OR5D3: variants seen among roughly 807,000 people sequenced by gnomAD.
The protein encoded by OR5D3 is olfactory receptor 5D3.
chr11:55,724,795 A>AGTCATAATCT, the OR5D3 span, among the ~76,000 whole-genome samples: 24 of 152,202 alleles, frequency 1.6e-4, no homozygotes, highest in Admixed American at 4.6e-4. Flanking sequence ...TGGGAAATAC[A>AGTCATAATCT]GTCATAATCT....
At chr11:55,725,467 C>T in the OR5D3 span, among the ~76,000 whole-genome samples, 1 of 152,004 alleles carries the variant, frequency 6.6e-6, no homozygotes, top group Non-Finnish European at 1.5e-5. Flanking sequence ...TTGTCACCTA[C>T]CTGTCTTCTG....
At chr11:55,729,173 G>GGGCAGTTTACA in the OR5D3 span, 1 of 151,694 alleles carries the variant, frequency 6.6e-6, no homozygotes, top group Admixed American at 6.6e-5. Flanking sequence ...CAAATATAAT[G>GGGCAGTTTACA]CAATTTCCCC....
chr11:55,729,449 A>G, the OR5D3 span: 13 of 152,036 alleles, frequency 8.6e-5, no homozygotes, highest in Admixed American at 4.6e-4. Flanking sequence ...ATATAGTTTA[A>G]TGCTCACTTC....
At chr11:55,725,772 A>G in the OR5D3 span, among the ~76,000 whole-genome samples, 1 of 152,088 alleles carries the variant, frequency 6.6e-6, no homozygotes, top group Non-Finnish European at 1.5e-5. Flanking sequence ...TTTTACAGGA[A>G]TGTTAACATT....
the OR5D3 span, chr11:55,727,130 T>C: frequency 2.5e-6 from 1 of 399,292 alleles, no homozygotes; most frequent in Non-Finnish European, 4.4e-6. Context: ...AAGTTAGTCA[T>C]TACCAAATTA....
At chr11:55,729,467 A>T in the OR5D3 span, 1 of 152,022 alleles carries the variant, frequency 6.6e-6, no homozygotes, top group Non-Finnish European at 1.5e-5. Flanking sequence ...TTCTTAGTGG[A>T]TTAACAACTA....
At chr11:55,725,934 C>T in the OR5D3 span, among the ~76,000 whole-genome samples, 3,211 of 152,120 alleles carry the variant, frequency 0.021, 160 homozygotes, top group African/African-American at 0.073. Context: ...CTCATGAAGC[C>T]TGCTGTCTTA....
At chr11:55,725,925 T>A in the OR5D3 span, among the ~76,000 whole-genome samples, 1 of 152,224 alleles carries the variant, frequency 6.6e-6, no homozygotes, top group East Asian at 1.9e-4. Flanking sequence ...GTGGCTCTTC[T>A]CATGAAGCCT....
chr11:55,726,958 A>T, the OR5D3 span: 1 of 400,228 alleles, frequency 2.5e-6, no homozygotes, highest in Non-Finnish European at 4.4e-6. Flanking sequence ...GACCGCCATT[A>T]CCATTTTCCA....
the OR5D3 span, chr11:55,727,475 G>T: frequency 6.0e-6 from 1 of 165,690 alleles, no homozygotes; most frequent in Non-Finnish European, 1.3e-5. Flanking sequence ...AAGAATAGTA[G>T]TTTATAATGA....
At chr11:55,729,598 C>G in the OR5D3 span, 1 of 151,940 alleles carries the variant, frequency 6.6e-6, no homozygotes, top group African/African-American at 2.4e-5. Context: ...GATTATATTA[C>G]ATAACACTTT....
At chr11:55,726,756 C>T in the OR5D3 span, 7 of 398,816 alleles carry the variant, frequency 1.8e-5, no homozygotes, top group South Asian at 1.3e-4. Flanking sequence ...TCTGTGAGCA[C>T]GCTGCCATTG....
the OR5D3 span, among the ~76,000 whole-genome samples, chr11:55,724,657 G>A: frequency 6.6e-6 from 1 of 152,040 alleles, no homozygotes; most frequent in African/African-American, 2.4e-5. Context: ...TCTGCACAAT[G>A]CAGTTTTCAT....
At chr11:55,724,959 A>T in the OR5D3 span, among the ~76,000 whole-genome samples, 22 of 152,148 alleles carry the variant, frequency 1.4e-4, 1 homozygote, top group African/African-American at 4.8e-4. Context: ...AATGGGGAAA[A>T]TATAGTTATG....
chr11:55,725,228 C>T, the OR5D3 span, among the ~76,000 whole-genome samples: 10 of 152,040 alleles, frequency 6.6e-5, no homozygotes, highest in African/African-American at 2.4e-4. Context: ...TGCTTCCATT[C>T]TACTGATTTA....
At chr11:55,726,372 C>T in the OR5D3 span, 11 of 471,530 alleles carry the variant, frequency 2.3e-5, no homozygotes, top group South Asian at 6.9e-4. Flanking sequence ...GGATCAACCC[C>T]AAACTCCACA....
At chr11:55,725,172 GC>G in the OR5D3 span, among the ~76,000 whole-genome samples, 236 of 152,032 alleles carry the variant, frequency 1.6e-3, no homozygotes, top group Middle Eastern at 0.01. Context: ...TATCTAATAT[GC>G]TTTATACTGT....
the OR5D3 span, among the ~76,000 whole-genome samples, chr11:55,724,501 T>C: frequency 1.3e-5 from 2 of 152,026 alleles, no homozygotes; most frequent in South Asian, 4.1e-4. Flanking sequence ...TAAAGCATTA[T>C]AAAAGTGAGA....
chr11:55,724,867 C>T, the OR5D3 span, among the ~76,000 whole-genome samples: 1 of 151,930 alleles, frequency 6.6e-6, no homozygotes, highest in Non-Finnish European at 1.5e-5. Context: ...AGTAATTGGT[C>T]CTTTTGGAAG....
Sources: gnomAD v4.1 joint callset for allele counts (sites outside exome capture counted in the v4.1 genomes callset) on GRCh38, gnomAD v4.1.1 for gene constraint, MANE v1.5 for transcripts, NCBI Gene and HGNC (gene_info 2026-07-23, HGNC 2026-07-21) for gene names.